Variants in CPM observed in about 807,000 individuals in gnomAD.
CPM encodes carboxypeptidase M, also known as renal carboxypeptidase.
CPM carries 35 observed loss-of-function variants against 46.4 expected under a neutral mutation model. The observed-to-expected ratio is 0.75, with a 90% CI of 0.58 to 1.00. The LOEUF (loss-of-function observed/expected upper bound fraction) is 1.00. Ranked by LOEUF, CPM falls within the 50% of genes least tolerant of loss-of-function variation. The pLI, the probability that CPM is intolerant of heterozygous loss-of-function variation, is 0.00. For synonymous variants in CPM, 195 were observed against 195.3 expected (o/e 1.00, Z 0.01); for missense variants, 422 against 530.4 (o/e 0.80, Z 2.01).
Position 68,885,637 on chromosome 12 carries a change from C to T in CPM, c.258+155G>A, listed in dbSNP as rs140357078. On this transcript the variant is annotated intron_variant, in intron 3 of 8. Transcript: ENST00000551568. Reference sequence around the variant, plus strand: ...TGGACCCTGATTCCTTAACCTCCCACAGGCCTCACAGGAAGACCTCTCTGG... The same window carrying T: ...TGGACCCTGATTCCTTAACCTCCCATAGGCCTCACAGGAAGACCTCTCTGG... Among the ~76,000 whole-genome samples, 1,162 of 152,300 alleles carry T rather than the reference C, an allele frequency of 7.6e-3. 9 individuals carry two copies. The highest frequency in any genetic ancestry group is 0.013 in the Non-Finnish European group (865 of 68,024).
chr12:68,856,782 T>C, intron 8 of CPM, 103 bp from the exon 9 acceptor site: 3 of 1,426,784 alleles, frequency 2.1e-6, no homozygotes, highest in Admixed American at 2.1e-5. Context: ...CTTTGTGCAA[T>C]GCATGTAACA....
intron 8 of CPM, among the ~76,000 whole-genome samples, chr12:68,857,225 A>G (rs965820242): frequency 2.2e-4 from 33 of 151,116 alleles, no homozygotes; most frequent in African/African-American, 7.3e-4. Context: ...CAGTGGCTCA[A>G]TCTTGGCTCA....
At chr12:68,923,508 C>T (rs776616310) in intron 2 of CPM, among the ~76,000 whole-genome samples, 4 of 152,134 alleles carry the variant, frequency 2.6e-5, no homozygotes, top group African/African-American at 7.2e-5. Flanking sequence ...TAGTTCTTAA[C>T]TCTATCAGAT....
intron 3 of CPM, among the ~76,000 whole-genome samples, chr12:68,881,358 T>C (rs997662606): frequency 3.3e-5 from 5 of 152,108 alleles, no homozygotes; most frequent in African/African-American, 1.2e-4. Flanking sequence ...AAGCCTAGTA[T>C]CATAATAAAA....
At chr12:68,929,567 T>C (rs967682769) in intron 2 of CPM, among the ~76,000 whole-genome samples, 1 of 152,246 alleles carries the variant, frequency 6.6e-6, no homozygotes, top group African/African-American at 2.4e-5. Context: ...AAATATGGTC[T>C]ACTATGGCTG....
intron 2 of CPM, among the ~76,000 whole-genome samples, chr12:68,927,197 C>T (rs1460040516): frequency 1.3e-5 from 2 of 151,272 alleles, no homozygotes; most frequent in Non-Finnish European, 2.9e-5. Context: ...AAAAGTGTTC[C>T]TATTTCTCCA....
chr12:68,856,661 C>T lies in CPM; in HGVS notation c.1108G>A (p.Asp370Asn), dbSNP rs755183423. The T allele has an allele frequency of 6.2e-7, 1 of 1,614,158 alleles. No individual in the cohort carries two copies. Among genetic ancestry groups the T allele is most frequent in the Non-Finnish European group, 8.5e-7 (1 of 1,180,000 alleles). The change falls in exon 9 of 9, where the codon GAT (aspartate) becomes AAT (asparagine). Residue 370 changes from aspartate to asparagine, a missense_variant. Coordinates refer to ENST00000551568, the MANE Select transcript of CPM (RefSeq NM_198320.5). ...YIINVTVPGH[D>N]PHITKVIIPE... ...ATAATCACCTTTGTGATGTGTGGAT[C>T]ATGTCCAGGGACTGTAACCTGAGAA...
At chr12:68,898,134 A>T (rs937620555) in intron 2 of CPM, among the ~76,000 whole-genome samples, 1 of 148,812 alleles carries the variant, frequency 6.7e-6, no homozygotes, top group Non-Finnish European at 1.5e-5. Context: ...GATTACGGGC[A>T]TGAGCCACTG....
Position 68,962,796 on chromosome 12 carries a change from G to A in CPM, c.-4+373C>T, listed in dbSNP as rs79421421. Reference sequence around the variant, plus strand: ...GCTTAACCTGCACGATAAAACCTTCGTCTCCACAATCCTTTATCATAACCC... The same window carrying A: ...GCTTAACCTGCACGATAAAACCTTCATCTCCACAATCCTTTATCATAACCC... On this transcript the variant is annotated intron_variant, in intron 1 of 8. Transcript: ENST00000546373. Among the ~76,000 whole-genome samples, 28 of 152,186 alleles carry A rather than the reference G, an allele frequency of 1.8e-4. No homozygotes were observed. The East Asian group carries it at 2.5e-3, about 14-fold the overall frequency.
intron 1 of CPM, among the ~76,000 whole-genome samples, chr12:68,956,069 G>A (rs1399378026): frequency 1.3e-5 from 2 of 152,100 alleles, no homozygotes; most frequent in Non-Finnish European, 2.9e-5. Context: ...TCCTGCTAAG[G>A]GGCTCCTGCA....
intron 1 of CPM, among the ~76,000 whole-genome samples, chr12:68,943,216 TTGGTGCATTCA>T (rs1301576941): frequency 3.9e-5 from 6 of 152,240 alleles, no homozygotes; most frequent in Admixed American, 6.5e-5. Flanking sequence ...ACTGCACCTC[TTGGTGCATTCA>T]TGTCCTTTTC....
At chr12:68,842,876 T>C (rs1355108786) in intron 5 of CPM, 1 of 206,624 alleles carries the variant, frequency 4.8e-6, no homozygotes, top group African/African-American at 2.3e-5. Context: ...AGCCTAGTTA[T>C]GCTGGACTGT....
intron 7 of CPM, among the ~76,000 whole-genome samples, chr12:68,864,035 T>C (rs2136222731): frequency 6.6e-6 from 1 of 152,356 alleles, no homozygotes; most frequent in South Asian, 2.1e-4. Context: ...TAAACCATGT[T>C]ATGCATCTGT....
At chr12:68,845,791 T>G (rs762333503) in intron 5 of CPM, 1 of 153,184 alleles carries the variant, frequency 6.5e-6, no homozygotes, top group Non-Finnish European at 1.5e-5. Context: ...TGAGATGCGG[T>G]CTTGCTCTGT....
intron 1 of CPM, among the ~76,000 whole-genome samples, chr12:68,958,205 C>A (rs1247841993): frequency 6.6e-6 from 1 of 151,938 alleles, no homozygotes; most frequent in African/African-American, 2.4e-5. Context: ...GGATATATAC[C>A]CAGTAATGGG....
chr12:68,861,910 CAAAAAAAAAAAA>C (rs58592710), intron 7 of CPM, among the ~76,000 whole-genome samples: 2 of 39,266 alleles, frequency 5.1e-5, no homozygotes, highest in Non-Finnish European at 4.5e-5. Flanking sequence ...CAGAAGACAC[CAAAAAAAAAAAA>C]AAAAAAAAAA....
chr12:68,865,640 T>TCACA (rs1565769141), intron 7 of CPM, among the ~76,000 whole-genome samples: 53 of 96,336 alleles, frequency 5.5e-4, no homozygotes, highest in Middle Eastern at 5.0e-3. Context: ...ACACTCACAC[T>TCACA]CTCTCTCTCT....
At chr12:68,893,321 T>C (rs1338226329) in intron 2 of CPM, among the ~76,000 whole-genome samples, 1 of 152,142 alleles carries the variant, frequency 6.6e-6, no homozygotes, top group Non-Finnish European at 1.5e-5. Context: ...CCAGTCCACA[T>C]GAACACCCAG....
chr12:68,914,350 G>T (rs1294548661), intron 2 of CPM, among the ~76,000 whole-genome samples: 1 of 150,356 alleles, frequency 6.7e-6, no homozygotes, highest in African/African-American at 2.5e-5. Context: ...ATTTAAAAGA[G>T]GAAAATGTGT....
Sources: allele counts gnomAD v4.1 joint callset (sites outside exome capture counted in the v4.1 genomes callset), GRCh38; gene constraint gnomAD v4.1.1; transcripts MANE v1.5; gene names NCBI Gene and HGNC (gene_info 2026-07-23, HGNC 2026-07-21).